The following TLE5 variants were observed in gnomAD, a reference collection of about 807,000 sequenced individuals.
The protein encoded by TLE5 is TLE family member 5, transcriptional modulator.
TLE5 carries 7 observed loss-of-function variants against 25.8 expected under a neutral mutation model. The ratio of observed to expected loss-of-function variants is 0.27; its 90% CI spans 0.15 to 0.51. The LOEUF (loss-of-function observed/expected upper bound fraction) is 0.51, where lower values mean the gene tolerates loss of function less well. TLE5 is among the 20% of genes least tolerant of loss of function. The pLI, the probability that TLE5 is intolerant of heterozygous loss-of-function variation, is 0.97. For missense variants in TLE5, 149 were observed against 250.7 expected (o/e 0.59, Z 2.74); for synonymous variants, 132 against 110.5 (o/e 1.20, Z -1.22).
At position 3,054,108 on chromosome 19, in the gene TLE5, C is replaced by T. The variant is rs899402859; in HGVS notation, c.372+12G>A. 1.1e-5 allele frequency: 16 copies of T among 1,412,756 alleles called. No individual in the cohort carries two copies. Among genetic ancestry groups the T allele is most frequent in the Non-Finnish European group, 1.5e-5 (15 of 1,028,070 alleles). The allele number at this position is 1,412,756 out of a possible 1,614,324, so 87.5% of individuals were successfully genotyped here. On this transcript the variant is annotated intron_variant, in intron 6 of 6. Transcript: ENST00000327141. ...CTGTCCCCCGCCCACCCGCCCAGGT[C>T]CCCATACATACTCGGATGATAGAGT...
chr19:3,056,298 G>C lies in TLE5; in HGVS notation c.234+14C>G, dbSNP rs761034112. On this transcript the variant is annotated intron_variant, in intron 4 of 6. Coordinates refer to ENST00000327141, the MANE Select transcript of TLE5 (RefSeq NM_001130.6). ...AGGAGGAGGAGGAGGAGGAGGAGGAGGAGATGGGCGTACCTGTTTGTGCAT... is the reference window on the plus strand; with the variant it reads ...AGGAGGAGGAGGAGGAGGAGGAGGACGAGATGGGCGTACCTGTTTGTGCAT... 6.6e-7 allele frequency: 1 copy of C among 1,519,920 alleles called. No individual in the cohort carries two copies. Among genetic ancestry groups the C allele is most frequent in the Non-Finnish European group, 8.8e-7 (1 of 1,131,426 alleles). The allele number at this position is 1,519,920 out of a possible 1,614,324, so 94.2% of individuals were successfully genotyped here.
Position 3,053,587 on chromosome 19 carries a change from G to A in TLE5, c.*232C>T. 2 of 591,442 alleles carry A rather than the reference G, an allele frequency of 3.4e-6. No individual in the cohort carries two copies. The highest frequency in any genetic ancestry group is 4.1e-5 in the South Asian group (2 of 48,864). 36.6% of individuals were successfully genotyped at this position (591,442 alleles called of 1,614,324 possible). A position where few individuals can be genotyped will look rare whatever the true frequency, so the allele number is the denominator to read the frequency against. On this transcript the variant is annotated 3_prime_UTR_variant, in exon 7 of 7. Transcript: ENST00000327141. ...TAGCTTGCCTCACATGTCAGGGCAG[G>A]TATCCACCTAACCAGGCTGCAGGGG... is the stretch of plus-strand genomic sequence containing the variant.
Position 3,062,317 on chromosome 19 carries a change from C to T in TLE5, c.-117G>A. The T allele has an allele frequency of 1.0e-6, 1 of 979,200 alleles. No homozygotes were observed. Among genetic ancestry groups the T allele is most frequent in the Non-Finnish European group, 1.2e-6 (1 of 827,388 alleles). 60.7% of individuals were successfully genotyped at this position (979,200 alleles called of 1,614,324 possible). ...CGCCGATCGGCAGCTCCCGGGGCCG[C>T]CGCCGCCTCCCGCGCCCGGCCTCGC... On this transcript the variant is annotated 5_prime_UTR_variant, in exon 1 of 7. Transcript: ENST00000327141.
intron 1 of TLE5, among the ~76,000 whole-genome samples, chr19:3,061,927 C>T (rs554518920): frequency 1.2e-4 from 10 of 81,946 alleles, no homozygotes; most frequent in African/African-American, 4.7e-4. Flanking sequence ...GGCGGGGGGG[C>T]TCGGGGCCCG....
chr19:3,062,902 T>C, upstream of TLE5: 1 of 1,172,494 alleles, frequency 8.5e-7, no homozygotes, highest in Non-Finnish European at 1.2e-6. Context: ...GCCGCCTTCC[T>C]GAGGGAAGCC....
rs973591914 is a variant in TLE5 at position 3,061,152 on chromosome 19, C to G, written c.125+8G>C. ...CGGGACGCAGGGACCCCCAGTCCCC[C>G]AGCTCACCTGTGGTACTGAGCTTGC... On this transcript the variant is annotated splice_region_variant and intron_variant, in intron 2 of 6. Coordinates refer to ENST00000327141, the MANE Select transcript of TLE5 (RefSeq NM_001130.6). The G allele has an allele frequency of 6.2e-7, 1 of 1,606,946 alleles. No homozygotes were observed. Among genetic ancestry groups the G allele is most frequent in the African/African-American group, 1.3e-5 (1 of 74,762 alleles).
At chr19:3,055,531 A>G in intron 5 of TLE5, 133 bp downstream of exon 5, 4 of 703,670 alleles carry the variant, frequency 5.7e-6, no homozygotes, top group Non-Finnish European at 8.8e-6. Flanking sequence ...TGGTGTTCAG[A>G]GCCAGGGAGG....
In TLE5 at chr19:3,056,370, AGAGAGGGGGAGCGG is replaced by A; in HGVS notation, c.190-28_190-15del. ...CATCTCGTAGTACTGTATGGGGGAG[AGAGAGGGGGAGCGG>A]GAGATGGGGGTGGGGAAGGATGGGG... is the stretch of plus-strand genomic sequence containing the variant. On this transcript the variant is annotated splice_polypyrimidine_tract_variant and intron_variant, in intron 3 of 6. Coordinates refer to ENST00000327141, the MANE Select transcript of TLE5 (RefSeq NM_001130.6). 2.4e-6 allele frequency: 2 copies of A among 816,482 alleles called. No homozygotes were observed. Among genetic ancestry groups the A allele is most frequent in the Non-Finnish European group, 3.3e-6 (2 of 611,260 alleles). 50.6% of individuals were successfully genotyped at this position (816,482 alleles called of 1,614,324 possible).
chr19:3,062,831 T>A, upstream of TLE5: 1 of 1,548,434 alleles, frequency 6.5e-7, no homozygotes, highest in Non-Finnish European at 8.7e-7. Flanking sequence ...ACCTTGGCTC[T>A]GGCTGGGCGG....
chr19:3,060,091 G>A (rs1179842775), intron 2 of TLE5, among the ~76,000 whole-genome samples: 1 of 151,976 alleles, frequency 6.6e-6, no homozygotes, highest in Admixed American at 6.6e-5. Flanking sequence ...TTCTGGGGTG[G>A]GCACGCTTCA....
At chr19:3,060,504 G>A (rs1292984087) in intron 2 of TLE5, among the ~76,000 whole-genome samples, 1 of 151,682 alleles carries the variant, frequency 6.6e-6, no homozygotes, top group African/African-American at 2.4e-5. Context: ...AGCTAACTAT[G>A]TATTTTTGGT....
chr19:3,062,656 G>GCCCGC (rs1555697727), upstream of TLE5: 3 of 1,323,748 alleles, frequency 2.3e-6, no homozygotes, highest in Admixed American at 3.9e-5. Context: ...CTTGGGCCCG[G>GCCCGC]CCCGCCCCCG....
At chr19:3,061,281 T>G (rs1599274966) in intron 1 of TLE5, 24 bp from the exon 2 acceptor site, 1 of 1,585,470 alleles carries the variant, frequency 6.3e-7, no homozygotes, top group Non-Finnish European at 8.7e-7. Flanking sequence ...GCGGCCCGGG[T>G]CAGGCCCAGG....
chr19:3,061,701 G>C (rs535422794), intron 1 of TLE5, among the ~76,000 whole-genome samples: 183 of 151,182 alleles, frequency 1.2e-3, no homozygotes, highest in African/African-American at 4.3e-3. Flanking sequence ...CTTCCGGGGG[G>C]GCCCAACCCC....
In TLE5 at chr19:3,053,065, TG is replaced by T. The variant is rs1399200600; in HGVS notation, c.*753del. The T allele has an allele frequency of 6.6e-6, 1 of 151,694 alleles. No individual in the cohort carries two copies. The highest frequency in any genetic ancestry group is 6.6e-5 in the Admixed American group (1 of 15,256). The allele number at this position is 151,694 out of a possible 1,614,324, so 9.4% of individuals were successfully genotyped here. A position where few individuals can be genotyped will look rare whatever the true frequency, so the allele number is the denominator to read the frequency against. On this transcript the variant is annotated 3_prime_UTR_variant, in exon 7 of 7. Transcript: ENST00000327141. ...TGTTGCTTTTTTTTAAAAACACTTTTGTCTTTTTTTTTTTTTAATATCCCCT... is the reference window on the plus strand; with the variant it reads ...TGTTGCTTTTTTTTAAAAACACTTTTTCTTTTTTTTTTTTTAATATCCCCT...
chr19:3,056,270 G>A, intron 4 of TLE5, 42 bp downstream of exon 4: 1 of 1,409,252 alleles, frequency 7.1e-7, no homozygotes, highest in Non-Finnish European at 9.6e-7. Flanking sequence ...GGGAGGAGGG[G>A]GAAGGAGGAG....
chr19:3,062,759 G>C, upstream of TLE5: 1 of 1,547,194 alleles, frequency 6.5e-7, no homozygotes, highest in Non-Finnish European at 8.7e-7. Context: ...CCGGCTGCCC[G>C]CGTCGAAGCC....
At chr19:3,058,944 C>G (rs1179825772) in intron 2 of TLE5, among the ~76,000 whole-genome samples, 1 of 152,212 alleles carries the variant, frequency 6.6e-6, no homozygotes, top group African/African-American at 2.4e-5. Flanking sequence ...TCCACTACCT[C>G]TCTGGGCTTC....
chr19:3,057,443 G>A, intron 3 of TLE5: 1 of 544,596 alleles, frequency 1.8e-6, no homozygotes, highest in Non-Finnish European at 3.3e-6. Context: ...GGGGGACCTG[G>A]CAGGGCCGGT....
Sources: gnomAD v4.1 joint callset for allele counts (sites outside exome capture counted in the v4.1 genomes callset) on GRCh38, gnomAD v4.1.1 for gene constraint, MANE v1.5 for transcripts, NCBI Gene and HGNC (gene_info 2026-07-23, HGNC 2026-07-21) for gene names.